ROCK2: variants seen among roughly 807,000 people sequenced by gnomAD.
The protein encoded by ROCK2 is Rho associated coiled-coil containing protein kinase 2, also known as rho-associated protein kinase 2.
ROCK2 carries 61 observed loss-of-function variants against 195.1 expected under a neutral mutation model. The observed-to-expected ratio is 0.31, with a 90% confidence interval of 0.25 to 0.39. The LOEUF is 0.39. ROCK2 is among the 10% of genes least tolerant of loss of function. The pLI is 1.00. For missense variants in ROCK2, 1,109 were observed against 1,637.4 expected, an observed-to-expected ratio of 0.68 and a Z score of 5.57; for synonymous variants, 504 against 545.5, an observed-to-expected ratio of 0.92 and a Z score of 1.06.
intron 6 of ROCK2, among the ~76,000 whole-genome samples, chr2:11,226,973 A>C (rs938211225): frequency 6.6e-6 from 1 of 151,606 alleles, no homozygotes; most frequent in Non-Finnish European, 1.5e-5. Context: ...TGAAGCTGTA[A>C]ACTTGCTTCT....
At chr2:11,210,484 G>A (rs148771966) in intron 18 of ROCK2, among the ~76,000 whole-genome samples, 42 of 151,988 alleles carry the variant, frequency 2.8e-4, no homozygotes, top group African/African-American at 9.7e-4. Flanking sequence ...CTGACTATAG[G>A]CGCACGCGAC....
At chr2:11,194,862 C>T in intron 28 of ROCK2, 93 bp downstream of exon 28, 1 of 543,166 alleles carries the variant, frequency 1.8e-6, no homozygotes, top group East Asian at 3.0e-5. Flanking sequence ...TCTAAAGGTA[C>T]CAGTCATGTA....
Position 11,287,680 on chromosome 2 carries a change from C to A in ROCK2, c.198G>T (p.Lys66Asn). 7.8e-7 allele frequency: 1 copy of A among 1,273,898 alleles called. No individual in the cohort carries two copies. Among genetic ancestry groups the A allele is most frequent in the Non-Finnish European group, 1.1e-6 (1 of 945,618 alleles). 78.9% of individuals were successfully genotyped at this position (1,273,898 alleles called of 1,614,324 possible). ...DLDFPALRKN[K>N]NIDNFLNRYE... ...ATCTATTTAAGAAATTATCTATGTT[C>A]TTGTTTTTCCTCAAAGCAGGAAAAT... Residue 66 changes from lysine (K) to asparagine (N), a missense_variant, in exon 2 of 33, where the codon AAG becomes AAT. Transcript: ENST00000315872.
chr2:11,220,023 T>C (rs947305705), intron 9 of ROCK2, among the ~76,000 whole-genome samples: 10 of 152,028 alleles, frequency 6.6e-5, no homozygotes, highest in African/African-American at 1.2e-4. Context: ...TTTGTTGTTG[T>C]TGTTGTTGTT....
At chr2:11,188,712 C>G (rs1219671377) in intron 32 of ROCK2, among the ~76,000 whole-genome samples, 1 of 151,610 alleles carries the variant, frequency 6.6e-6, no homozygotes, top group Non-Finnish European at 1.5e-5. Flanking sequence ...CAAGCTCCGC[C>G]TCCCGGGTTC....
At chr2:11,212,215 CCTTAA>C (rs1375287289) in intron 17 of ROCK2, among the ~76,000 whole-genome samples, 6 of 152,054 alleles carry the variant, frequency 3.9e-5, no homozygotes, top group Non-Finnish European at 7.4e-5. Flanking sequence ...TGGTGCTCAA[CCTTAA>C]CTTGTTTTTT....
intron 1 of ROCK2, among the ~76,000 whole-genome samples, chr2:11,295,997 GA>G (rs1221841583): frequency 8.5e-4 from 21 of 24,804 alleles, no homozygotes; most frequent in African/African-American, 1.7e-3. Context: ...AGAGGAGAGA[GA>G]GAGAGAGGAG....
At chr2:11,332,862 T>C (rs1056805807) in intron 1 of ROCK2, among the ~76,000 whole-genome samples, 32 of 152,338 alleles carry the variant, frequency 2.1e-4, no homozygotes, top group African/African-American at 7.2e-4. Flanking sequence ...GTATTCATGC[T>C]GCAACACAGA....
At chr2:11,269,120 CTCTT>C (rs1666533065) in intron 3 of ROCK2, among the ~76,000 whole-genome samples, 1 of 152,078 alleles carries the variant, frequency 6.6e-6, no homozygotes, top group Admixed American at 6.6e-5. Flanking sequence ...GGTTTTCTGT[CTCTT>C]TACTGATATT....
chr2:11,265,848 A>C (rs1666393540), intron 3 of ROCK2, among the ~76,000 whole-genome samples: 1 of 152,136 alleles, frequency 6.6e-6, no homozygotes, highest in Non-Finnish European at 1.5e-5. Context: ...TAATCCCAGC[A>C]ATTTAGGAGG....
chr2:11,293,376 T>TA (rs1295031084), intron 1 of ROCK2, among the ~76,000 whole-genome samples: 3 of 152,172 alleles, frequency 2.0e-5, no homozygotes, highest in Non-Finnish European at 2.9e-5. Context: ...CCCTCGTTTG[T>TA]AAAAAAGAGT....
chr2:11,219,028 T>A lies in ROCK2; in HGVS notation c.1260-2A>T. The A allele has an allele frequency of 7.0e-7, 1 of 1,436,610 alleles. No individual in the cohort carries two copies. The highest frequency in any genetic ancestry group is 9.5e-7 in the Non-Finnish European group (1 of 1,052,040). The allele number at this position is 1,436,610 out of a possible 1,614,324, so 89.0% of individuals were successfully genotyped here. The stretch of plus-strand genomic sequence containing the variant: ...CAAGATGGAGAGTCACTTAATAATC[T>A]ACATGGAAGGGGGGAGAAAATAAAT... On this transcript the variant is annotated splice_acceptor_variant, in intron 9 of 32. Transcript: ENST00000315872. LOFTEE classifies it high-confidence loss of function.
intron 3 of ROCK2, among the ~76,000 whole-genome samples, chr2:11,271,484 G>GT (rs1666627601): frequency 6.6e-6 from 1 of 151,678 alleles, no homozygotes; most frequent in African/African-American, 2.4e-5. Flanking sequence ...ATGGCTATTT[G>GT]TTTGTCTCTC....
intron 17 of ROCK2, among the ~76,000 whole-genome samples, chr2:11,213,642 C>G (rs1664324962): frequency 7.3e-6 from 1 of 137,130 alleles, no homozygotes; most frequent in African/African-American, 2.5e-5. Context: ...CAAACAATGC[C>G]TTTTTTATTT....
chr2:11,206,459 A>G (rs1475196913), intron 20 of ROCK2, among the ~76,000 whole-genome samples: 1 of 152,186 alleles, frequency 6.6e-6, no homozygotes, highest in African/African-American at 2.4e-5. Context: ...AATATACAGA[A>G]AAAAAACCCA....
chr2:11,233,737 T>C (rs888486271), intron 5 of ROCK2, among the ~76,000 whole-genome samples: 13 of 152,182 alleles, frequency 8.5e-5, no homozygotes, highest in African/African-American at 3.1e-4. Context: ...ATGACATCTA[T>C]ATCAAGATAC....
rs558835554 is a variant in ROCK2 at position 11,247,579 on chromosome 2, T to A, written c.462+2082A>T. Among the ~76,000 whole-genome samples, 9 of 152,314 alleles carry A rather than the reference T, an allele frequency of 5.9e-5. No homozygotes were observed. The East Asian group carries it at 1.7e-3, about 29-fold the overall frequency. ...ATTTTCTTCTATCTCAATTAACACT[T>A]TATAAAGGTTCACATAGCAGAATTA... On this transcript the variant is annotated intron_variant, in intron 4 of 32. Coordinates refer to ENST00000315872, the MANE Select transcript of ROCK2 (RefSeq NM_004850.5).
At chr2:11,223,409 C>T (rs1664702993) in intron 7 of ROCK2, among the ~76,000 whole-genome samples, 1 of 152,000 alleles carries the variant, frequency 6.6e-6, no homozygotes, top group Non-Finnish European at 1.5e-5. Context: ...AAATGTGTAT[C>T]CCAGAATTCC....
chr2:11,227,894 ATAGAT>A (rs1289096954), intron 5 of ROCK2, among the ~76,000 whole-genome samples: 2 of 152,210 alleles, frequency 1.3e-5, no homozygotes, highest in Non-Finnish European at 2.9e-5. Flanking sequence ...AAATGAAGAA[ATAGAT>A]CAAATGTTTA....
Sources: gnomAD v4.1 joint callset for allele counts (sites outside exome capture counted in the v4.1 genomes callset) on GRCh38, gnomAD v4.1.1 for gene constraint, MANE v1.5 for transcripts, NCBI Gene and HGNC (gene_info 2026-07-23, HGNC 2026-07-21) for gene names.